CSMD3: variants seen among roughly 807,000 people sequenced by gnomAD.
The protein encoded by CSMD3 is CUB and sushi domain-containing protein 3.
In CSMD3, 177 loss-of-function variants were observed where a neutral mutation model predicts 435.2. That is an observed-to-expected ratio of 0.41 (90% CI 0.36 to 0.46). The LOEUF is 0.46. CSMD3 is among the 20% of genes least tolerant of loss of function. The probability of loss-of-function intolerance (pLI) is 0.34; values close to 1 mark genes in which losing one functional copy is unlikely to be tolerated. For synonymous variants in CSMD3, 1,656 were observed against 1,520.5 expected, an observed-to-expected ratio of 1.09 and a Z score of -2.07; for missense variants, 4,265 against 4,504.6, an observed-to-expected ratio of 0.95 and a Z score of 1.52.
chr8:112,534,061 A>C (rs1209980164), intron 27 of CSMD3, among the ~76,000 whole-genome samples: 3 of 152,132 alleles, frequency 2.0e-5, no homozygotes, highest in Non-Finnish European at 4.4e-5. Flanking sequence ...ATTTCTTGAA[A>C]GAGAAAGCAG....
At chr8:113,410,664 C>T (rs1181473709) in intron 1 of CSMD3, among the ~76,000 whole-genome samples, 3 of 151,300 alleles carry the variant, frequency 2.0e-5, no homozygotes, top group African/African-American at 4.9e-5. Flanking sequence ...AATCCCAGCA[C>T]TTTGGTAGGC....
At chr8:113,342,338 A>G (rs1346569660) in intron 1 of CSMD3, among the ~76,000 whole-genome samples, 1 of 152,172 alleles carries the variant, frequency 6.6e-6, no homozygotes, top group Non-Finnish European at 1.5e-5. Context: ...AAAAGTATAG[A>G]AATACTATTG....
intron 3 of CSMD3, among the ~76,000 whole-genome samples, chr8:113,211,037 A>G (rs2092828615): frequency 6.6e-6 from 1 of 152,050 alleles, no homozygotes; most frequent in Non-Finnish European, 1.5e-5. Context: ...ATGCTCAGAT[A>G]CCCTGATGAT....
intron 1 of CSMD3, among the ~76,000 whole-genome samples, chr8:113,380,439 C>G (rs1041970983): frequency 1.3e-5 from 2 of 151,870 alleles, no homozygotes; most frequent in African/African-American, 2.4e-5. Flanking sequence ...TGTGTGTTTC[C>G]TTTTTTCAAA....
At chr8:112,420,172 A>G (rs1050515478) in intron 32 of CSMD3, among the ~76,000 whole-genome samples, 2 of 152,162 alleles carry the variant, frequency 1.3e-5, no homozygotes, top group African/African-American at 4.8e-5. Flanking sequence ...AATTTCAAAC[A>G]TATACCAAGT....
At chr8:113,099,061 C>G in intron 4 of CSMD3, 98 bp from the exon 5 acceptor site, 1 of 797,382 alleles carries the variant, frequency 1.3e-6, no homozygotes, top group South Asian at 1.4e-5. Flanking sequence ...ATAAAAATAA[C>G]AGTTCAAATG....
At chr8:112,359,826 T>C (rs1434046465) in intron 38 of CSMD3, among the ~76,000 whole-genome samples, 1 of 152,112 alleles carries the variant, frequency 6.6e-6, no homozygotes, top group African/African-American at 2.4e-5. Flanking sequence ...ATGCATCATG[T>C]TCTATTCCTT....
chr8:113,366,972 TTAAAC>T (rs1454342469), intron 1 of CSMD3, among the ~76,000 whole-genome samples: 2 of 152,050 alleles, frequency 1.3e-5, no homozygotes, highest in African/African-American at 2.4e-5. Context: ...GTTATTCCCT[TTAAAC>T]TAAGTTTTTA....
chr8:112,715,788 G>A (rs182363857), intron 13 of CSMD3, among the ~76,000 whole-genome samples: 3 of 152,288 alleles, frequency 2.0e-5, no homozygotes, highest in Non-Finnish European at 2.9e-5. Flanking sequence ...ACCGGCAGAT[G>A]TAATCCATCA....
intron 4 of CSMD3, among the ~76,000 whole-genome samples, chr8:113,125,337 C>A (rs564547301): frequency 1.1e-4 from 17 of 151,966 alleles, no homozygotes; most frequent in Non-Finnish European, 2.1e-4. Flanking sequence ...TATGTCTGTA[C>A]ACAATCCTAG....
chr8:113,066,589 G>GA (rs2088870282), intron 5 of CSMD3, among the ~76,000 whole-genome samples: 1 of 151,924 alleles, frequency 6.6e-6, no homozygotes, highest in South Asian at 2.1e-4. Context: ...ATACATCAGA[G>GA]AAAAATATAC....
chr8:112,312,220 A>T (rs2130821010), intron 49 of CSMD3, among the ~76,000 whole-genome samples: 1 of 152,236 alleles, frequency 6.6e-6, no homozygotes, highest in African/African-American at 2.4e-5. Flanking sequence ...AAGTATGAAA[A>T]TTCTTCAAGA....
chr8:112,704,325 A>AT, intron 13 of CSMD3, among the ~76,000 whole-genome samples: 1 of 152,114 alleles, frequency 6.6e-6, no homozygotes, highest in East Asian at 1.9e-4. Context: ...TTTAACTGTG[A>AT]TAAAAAACTA....
intron 13 of CSMD3, among the ~76,000 whole-genome samples, chr8:112,787,923 A>G (rs954762914): frequency 7.2e-5 from 11 of 152,248 alleles, no homozygotes; most frequent in African/African-American, 2.6e-4. Context: ...TTTAATGTAC[A>G]TTTTAAAATA....
intron 9 of CSMD3, among the ~76,000 whole-genome samples, chr8:112,945,658 T>TA (rs933440449): frequency 2.7e-5 from 4 of 149,850 alleles, no homozygotes; most frequent in East Asian, 2.0e-4. Context: ...TTGTCTCCAT[T>TA]AAAAAAAACA....
chr8:112,659,953 C>A (rs575705751), intron 17 of CSMD3, among the ~76,000 whole-genome samples: 61 of 152,078 alleles, frequency 4.0e-4, no homozygotes, highest in African/African-American at 1.4e-3. Context: ...TAGAAAAAAA[C>A]TACAAAATAG....
chr8:113,126,251 T>A (rs1325444938), intron 4 of CSMD3, among the ~76,000 whole-genome samples: 1 of 151,726 alleles, frequency 6.6e-6, no homozygotes, highest in East Asian at 1.9e-4. Flanking sequence ...AGCTCTATAA[T>A]CTCACACTAC....
At chr8:113,083,490 T>C (rs1017600700) in intron 5 of CSMD3, among the ~76,000 whole-genome samples, 11 of 151,930 alleles carry the variant, frequency 7.2e-5, no homozygotes, top group Admixed American at 7.2e-4. Flanking sequence ...ACCCCTATAA[T>C]GGTCTTACAA....
At chr8:112,432,565 G>T (rs541405541) in intron 32 of CSMD3, among the ~76,000 whole-genome samples, 3 of 152,076 alleles carry the variant, frequency 2.0e-5, no homozygotes, top group African/African-American at 7.2e-5. Context: ...CTCCTGCCTT[G>T]TCCACCCAAA....
Sources: allele counts gnomAD v4.1 joint callset (sites outside exome capture counted in the v4.1 genomes callset), GRCh38; gene constraint gnomAD v4.1.1; transcripts MANE v1.5; gene names NCBI Gene and HGNC (gene_info 2026-07-23, HGNC 2026-07-21).